EPS8: variants seen among roughly 807,000 people sequenced by gnomAD.
EPS8 encodes the protein EGFR pathway substrate 8, signaling adaptor, also known as epidermal growth factor receptor kinase substrate 8.
Under a neutral mutation model 103.8 loss-of-function variants are expected in EPS8, and 42 were observed. The observed-to-expected ratio is 0.40, with a 90% CI of 0.32 to 0.52. The LOEUF (loss-of-function observed/expected upper bound fraction) is 0.52. EPS8 is among the 20% of genes least tolerant of loss of function. EPS8 has a pLI of 0.40. For missense variants in EPS8, 969 were observed against 1,005.1 expected (o/e 0.96, Z 0.49); for synonymous variants, 344 against 344.6 (o/e 1.00, Z 0.02).
At chr12:15,658,247 AC>A in intron 11 of EPS8, 94 bp from the exon 12 acceptor site, 1 of 801,114 alleles carries the variant, frequency 1.2e-6, no homozygotes. Flanking sequence ...GGTCTTTACC[AC>A]CAGATTCAGT....
rs1947129759 is a variant in EPS8 at position 15,769,329 on chromosome 12, T to C, written c.-22+19832A>G. ...AAATTGTAACTCTACTTTTGCCAAT[T>C]TTATCAAGACTCTCAAAATAAATGC... On this transcript the variant is annotated intron_variant, in intron 1 of 20. Transcript: ENST00000281172. This position sits in a 1 kb window ranked among gnomAD's most constrained non-coding sequence, Gnocchi z 4.6. Among the ~76,000 whole-genome samples, 5 of 152,298 alleles carry C rather than the reference T, an allele frequency of 3.3e-5. No individual in the cohort carries two copies. The South Asian group carries it at 1.0e-3, about 32-fold the overall frequency.
chr12:15,651,646 T>C (rs1470878711), intron 13 of EPS8, among the ~76,000 whole-genome samples: 1 of 152,200 alleles, frequency 6.6e-6, no homozygotes, highest in African/African-American at 2.4e-5. Flanking sequence ...TTCTGTAAGA[T>C]CCTAATCATT....
chr12:15,743,048 A>G (rs1468256591), intron 1 of EPS8, among the ~76,000 whole-genome samples: 1 of 152,230 alleles, frequency 6.6e-6, no homozygotes, highest in East Asian at 1.9e-4. Context: ...TAAGCTGATA[A>G]GCAACTTCAG....
rs1477219381 is a variant in EPS8, at chr12:15,779,721, TCTCA to T, written c.-22+9436_-22+9439del. Reference sequence around the variant, plus strand: ...TTCTCTTCCTTCTATCAATCTTTTTTCTCACTATTTTTTCTTTCTCTTTTTCTTC... The same window carrying T: ...TTCTCTTCCTTCTATCAATCTTTTTTCTATTTTTTCTTTCTCTTTTTCTTC... On this transcript the variant is annotated intron_variant, in intron 1 of 20. Coordinates refer to ENST00000281172, the MANE Select transcript of EPS8 (RefSeq NM_004447.6). This position sits in a 1 kb window ranked among gnomAD's most constrained non-coding sequence, Gnocchi z 4.3. Among the ~76,000 whole-genome samples the T allele has an allele frequency of 2.0e-5, 3 of 152,222 alleles. No homozygotes were observed. Among genetic ancestry groups the T allele is most frequent in the Non-Finnish European group, 4.4e-5 (3 of 68,026 alleles).
intron 1 of EPS8, among the ~76,000 whole-genome samples, chr12:15,705,516 C>T (rs1267977533): frequency 6.6e-6 from 1 of 152,076 alleles, no homozygotes; most frequent in African/African-American, 2.4e-5. Flanking sequence ...GTGATTTCAA[C>T]AAATTTTAAC....
intron 1 of EPS8, among the ~76,000 whole-genome samples, chr12:15,786,039 C>T (rs1364099916): frequency 6.6e-6 from 1 of 151,760 alleles, no homozygotes. Flanking sequence ...ATATAGATTT[C>T]TACCATCAAA....
At chr12:15,630,489 G>A (rs1236134479) in intron 18 of EPS8, among the ~76,000 whole-genome samples, 1 of 152,088 alleles carries the variant, frequency 6.6e-6, no homozygotes, top group Admixed American at 6.6e-5. Context: ...ATCCAAAGTT[G>A]GTCATAGTGT....
Position 15,688,563 on chromosome 12 carries a change from C to T in EPS8, c.-21-5591G>A, listed in dbSNP as rs1262929317. ...AAGCAGCTGGACATTGAGAGGGGCA[C>T]ATCGGCAGAGGAACACACCAACAGG... On this transcript the variant is annotated intron_variant, in intron 1 of 20. Coordinates refer to ENST00000281172, the MANE Select transcript of EPS8 (RefSeq NM_004447.6). This position sits in a 1 kb window ranked among gnomAD's most constrained non-coding sequence, Gnocchi z 5.1. 1.3e-5 allele frequency among the ~76,000 whole-genome samples: 2 copies of T among 152,112 alleles called. No individual in the cohort carries two copies. Among genetic ancestry groups the T allele is most frequent in the African/African-American group, 4.8e-5 (2 of 41,424 alleles).
intron 17 of EPS8, among the ~76,000 whole-genome samples, chr12:15,633,707 C>T (rs1164872535): frequency 1.3e-5 from 2 of 152,152 alleles, no homozygotes; most frequent in East Asian, 3.9e-4. Flanking sequence ...ATTATATTTA[C>T]TTGCATATTT....
Position 15,771,178 on chromosome 12 carries a change from G to A in EPS8, c.-22+17983C>T, listed in dbSNP as rs970452764. Among the ~76,000 whole-genome samples the A allele has an allele frequency of 3.3e-5, 5 of 152,180 alleles. No homozygotes were observed. Among genetic ancestry groups the A allele is most frequent in the African/African-American group, 9.6e-5 (4 of 41,452 alleles). On this transcript the variant is annotated intron_variant, in intron 1 of 20. Coordinates refer to ENST00000281172, the MANE Select transcript of EPS8 (RefSeq NM_004447.6). This position sits in a 1 kb window ranked among gnomAD's most constrained non-coding sequence, Gnocchi z 4.6. ...CTGATGGATTCGATTTGTATATAGA[G>A]ATAAATTAAAAAGTTATTCCAAATA...
In EPS8 at chr12:15,777,252, G is replaced by C. The variant is rs1054866256; in HGVS notation, c.-22+11909C>G. Among the ~76,000 whole-genome samples, 1 of 151,198 alleles carries C rather than the reference G, an allele frequency of 6.6e-6. No homozygotes were observed. The highest frequency in any genetic ancestry group is 1.9e-4 in the East Asian group (1 of 5,158). On this transcript the variant is annotated intron_variant, in intron 1 of 20. Coordinates refer to ENST00000281172, the MANE Select transcript of EPS8 (RefSeq NM_004447.6). The surrounding 1 kb of genome is among the most constrained non-coding windows in gnomAD (Gnocchi z 4.7). ...TCTAAAATTCCCTACAGTGATAAGGGGTACTTACAAAGCAGAATGAAAAAA... is the reference window on the plus strand; with the variant it reads ...TCTAAAATTCCCTACAGTGATAAGGCGTACTTACAAAGCAGAATGAAAAAA...
At position 15,695,123 on chromosome 12, in the gene EPS8, T is replaced by C. The variant is rs572063495; in HGVS notation, c.-21-12151A>G. Among the ~76,000 whole-genome samples the C allele has an allele frequency of 6.6e-6, 1 of 152,334 alleles. No homozygotes were observed. The highest frequency in any genetic ancestry group is 2.4e-5 in the African/African-American group (1 of 41,568). On this transcript the variant is annotated intron_variant, in intron 1 of 20. Coordinates refer to ENST00000281172, the MANE Select transcript of EPS8 (RefSeq NM_004447.6). This position sits in a 1 kb window ranked among gnomAD's most constrained non-coding sequence, Gnocchi z 5.0. ...TTTAAATTAGAGTTATAAGTAAAGG[T>C]AATTTGGCCATGACATCAGCAACAA...
At chr12:15,641,891 A>C in intron 15 of EPS8, 61 bp from the exon 16 acceptor site, 1 of 932,110 alleles carries the variant, frequency 1.1e-6, no homozygotes, top group South Asian at 1.8e-5. Flanking sequence ...ATAAAAATGG[A>C]AAACACTGAG....
chr12:15,626,004 G>A (rs961271496), intron 18 of EPS8, among the ~76,000 whole-genome samples: 22 of 152,142 alleles, frequency 1.4e-4, no homozygotes, highest in African/African-American at 4.8e-4. Flanking sequence ...GCCCAAACCT[G>A]AATTCCCGAT....
At chr12:15,652,815 T>C (rs1392131124) in intron 13 of EPS8, among the ~76,000 whole-genome samples, 2 of 152,190 alleles carry the variant, frequency 1.3e-5, no homozygotes, top group Admixed American at 1.3e-4. Flanking sequence ...AAAGTTTGTA[T>C]ATGTTTCAAT....
In EPS8 at chr12:15,775,605, G is replaced by A. The variant is rs576372942; in HGVS notation, c.-22+13556C>T. On this transcript the variant is annotated intron_variant, in intron 1 of 20. Transcript: ENST00000281172. Reference sequence around the variant, plus strand: ...TGAATCTATATTAAGGAAAGAGGGCGAGAAAAGCAAAAAAGATTAGCCTTT... The same window carrying A: ...TGAATCTATATTAAGGAAAGAGGGCAAGAAAAGCAAAAAAGATTAGCCTTT... Among the ~76,000 whole-genome samples the A allele has an allele frequency of 2.0e-4, 30 of 151,858 alleles. No individual in the cohort carries two copies. The East Asian group carries it at 3.9e-3, about 20-fold the overall frequency.
intron 8 of EPS8, 32 bp downstream of exon 8, chr12:15,665,724 G>T (rs1945696186): frequency 6.2e-7 from 1 of 1,611,226 alleles, no homozygotes; most frequent in African/African-American, 1.3e-5. Context: ...CAAAGTAAGT[G>T]TTCAATAAGT....
At chr12:15,715,374 T>G (rs1194333558) in intron 1 of EPS8, among the ~76,000 whole-genome samples, 1 of 126,438 alleles carries the variant, frequency 7.9e-6, no homozygotes, top group Non-Finnish European at 1.7e-5. Flanking sequence ...AGCGCTTTCT[T>G]TTTTTTTTTC....
At chr12:15,654,589 C>T (rs1251243415) in intron 12 of EPS8, among the ~76,000 whole-genome samples, 1 of 152,140 alleles carries the variant, frequency 6.6e-6, no homozygotes, top group African/African-American at 2.4e-5. Flanking sequence ...GCAGAGAATT[C>T]TAGATCAGGT....
Sources: gnomAD v4.1 joint callset for allele counts (sites outside exome capture counted in the v4.1 genomes callset) on GRCh38, gnomAD v4.1.1 for gene constraint, Gnocchi (gnomAD v3.1) non-coding constraint, MANE v1.5 for transcripts, NCBI Gene and HGNC (gene_info 2026-07-23, HGNC 2026-07-21) for gene names.